The following SEC24D variants were observed in gnomAD, a reference collection of about 807,000 sequenced individuals.
SEC24D encodes protein transport protein Sec24D.
Under a neutral mutation model 116.9 loss-of-function variants are expected in SEC24D, and 69 were observed. The ratio of observed to expected loss-of-function variants is 0.59; its 90% CI spans 0.49 to 0.72. The LOEUF is 0.72. Ranked by LOEUF, SEC24D falls within the 30% of genes least tolerant of loss-of-function variation. SEC24D has a pLI of 0.00. For missense variants in SEC24D, 1,131 were observed against 1,264.1 expected, an observed-to-expected ratio of 0.89 and a Z score of 1.60; for synonymous variants, 405 against 442.8, an observed-to-expected ratio of 0.91 and a Z score of 1.07.
intron 7 of SEC24D, among the ~76,000 whole-genome samples, chr4:118,800,331 C>A (rs1028852230): frequency 6.6e-6 from 1 of 152,026 alleles, no homozygotes; most frequent in African/African-American, 2.4e-5. Context: ...GCGATTGTGG[C>A]GGGGTTGTGA....
At chr4:118,725,539 A>G (rs1725364217) in intron 22 of SEC24D, among the ~76,000 whole-genome samples, 1 of 152,152 alleles carries the variant, frequency 6.6e-6, no homozygotes, top group South Asian at 2.1e-4. Context: ...TTTAGAATTT[A>G]CTTTCTTTAT....
intron 8 of SEC24D, among the ~76,000 whole-genome samples, chr4:118,778,882 C>A (rs944775284): frequency 1.3e-5 from 2 of 152,154 alleles, no homozygotes; most frequent in South Asian, 4.1e-4. Context: ...TGGGAGTTCA[C>A]TCATGATTTG....
chr4:118,787,699 T>A (rs1207149890), intron 8 of SEC24D, among the ~76,000 whole-genome samples: 1 of 152,114 alleles, frequency 6.6e-6, no homozygotes, highest in Non-Finnish European at 1.5e-5. Context: ...TGGTCCCTAT[T>A]TGGGTGGCTG....
At chr4:118,782,584 C>T (rs1031556247) in intron 8 of SEC24D, among the ~76,000 whole-genome samples, 1 of 152,226 alleles carries the variant, frequency 6.6e-6, no homozygotes, top group African/African-American at 2.4e-5. Context: ...GCAGTCTGTC[C>T]GTTCTCAGAG....
At chr4:118,835,626 T>G (rs115484560) in intron 1 of SEC24D, among the ~76,000 whole-genome samples, 6,451 of 152,276 alleles carry the variant, frequency 0.042, 191 homozygotes, top group Non-Finnish European at 0.061. Flanking sequence ...GATAAGGAGA[T>G]GAGAAAACCG....
intron 10 of SEC24D, among the ~76,000 whole-genome samples, chr4:118,762,542 C>T (rs890617452): frequency 7.2e-6 from 1 of 138,260 alleles, no homozygotes; most frequent in Admixed American, 8.2e-5. Flanking sequence ...TTAAGATGAG[C>T]CAAGATGAAT....
chr4:118,733,493 C>G (rs1389770287), intron 19 of SEC24D, among the ~76,000 whole-genome samples: 1 of 152,008 alleles, frequency 6.6e-6, no homozygotes, highest in East Asian at 1.9e-4. Flanking sequence ...GCATCTTAAA[C>G]TCATCAAAAA....
chr4:118,759,593 C>T (rs550696695), intron 10 of SEC24D, among the ~76,000 whole-genome samples: 3 of 152,316 alleles, frequency 2.0e-5, no homozygotes, highest in Non-Finnish European at 4.4e-5. Flanking sequence ...AAATAAAAAT[C>T]CAGCTCTTAT....
intron 13 of SEC24D, among the ~76,000 whole-genome samples, chr4:118,748,299 T>G (rs1400106807): frequency 6.6e-6 from 1 of 151,178 alleles, no homozygotes; most frequent in Non-Finnish European, 1.5e-5. Context: ...AGTAAAACTC[T>G]GAGGGAAAAA....
intron 9 of SEC24D, 34 bp from the exon 10 acceptor site, chr4:118,764,951 G>T: frequency 1.6e-6 from 2 of 1,238,692 alleles, no homozygotes; most frequent in South Asian, 1.2e-5. Context: ...AAAATATTTT[G>T]TTTTCATAAA....
intron 17 of SEC24D, 70 bp downstream of exon 17, chr4:118,740,593 T>C: frequency 6.6e-7 from 1 of 1,523,672 alleles, no homozygotes; most frequent in Non-Finnish European, 9.0e-7. Context: ...TGATGGTATT[T>C]CAGTCTCCCC....
chr4:118,813,288 C>T (rs1321512656), intron 6 of SEC24D, among the ~76,000 whole-genome samples: 1 of 152,222 alleles, frequency 6.6e-6, no homozygotes, highest in African/African-American at 2.4e-5. Context: ...AGCCTAGGAA[C>T]AGATTCTCCT....
At chr4:118,796,987 T>G (rs1360171802) in intron 8 of SEC24D, among the ~76,000 whole-genome samples, 1 of 152,162 alleles carries the variant, frequency 6.6e-6, no homozygotes, top group Non-Finnish European at 1.5e-5. Flanking sequence ...TGACTTGCTC[T>G]GCTATAGTGC....
intron 9 of SEC24D, among the ~76,000 whole-genome samples, chr4:118,765,253 TCTAA>T (rs912342205): frequency 3.9e-5 from 6 of 152,354 alleles, no homozygotes; most frequent in East Asian, 1.9e-4. Context: ...TTCTGACTTT[TCTAA>T]CTATTTGAAT....
At chr4:118,739,112 C>A in intron 18 of SEC24D, 37 bp downstream of exon 18, 1 of 1,608,868 alleles carries the variant, frequency 6.2e-7, no homozygotes. Context: ...AATTACTAAG[C>A]AAGGTTTACT....
chr4:118,731,070 G>C (rs1295739382), intron 21 of SEC24D: 2 of 469,828 alleles, frequency 4.3e-6, no homozygotes, highest in Non-Finnish European at 7.7e-6. Flanking sequence ...CTGGCACATA[G>C]TTAATGATCT....
intron 10 of SEC24D, among the ~76,000 whole-genome samples, chr4:118,763,046 G>T (rs1260387787): frequency 6.6e-6 from 1 of 152,126 alleles, no homozygotes; most frequent in African/African-American, 2.4e-5. Flanking sequence ...AGTTACAATG[G>T]CTTTCTTACA....
chr4:118,809,680 A>G (rs949599220), intron 6 of SEC24D, among the ~76,000 whole-genome samples: 2 of 152,204 alleles, frequency 1.3e-5, no homozygotes, highest in Non-Finnish European at 2.9e-5. Flanking sequence ...TTCAAGGAAT[A>G]TGTGGACATA....
intron 6 of SEC24D, 33 bp from the exon 7 acceptor site, chr4:118,805,987 T>G: frequency 1.4e-6 from 2 of 1,392,312 alleles, no homozygotes. Context: ...CCCGTTAAAG[T>G]AGGTTCCAGT....
Sources: gnomAD v4.1 joint callset for allele counts (sites outside exome capture counted in the v4.1 genomes callset) on GRCh38, gnomAD v4.1.1 for gene constraint, MANE v1.5 for transcripts, NCBI Gene and HGNC (gene_info 2026-07-23, HGNC 2026-07-21) for gene names.